Variants in ARID1B observed in about 807,000 individuals in gnomAD.
The protein encoded by ARID1B is AT-rich interactive domain-containing protein 1B.
A neutral mutation model predicts 212.3 loss-of-function variants in ARID1B; 30 were observed. That is an observed-to-expected ratio of 0.14 (90% confidence interval 0.11 to 0.19). The LOEUF (loss-of-function observed/expected upper bound fraction) is 0.19, where lower values mean the gene tolerates loss of function less well. Ranked by LOEUF, ARID1B falls within the 10% of genes least tolerant of loss-of-function variation. The pLI is 1.00. For synonymous variants in ARID1B, 1,402 were observed against 1,301.7 expected (o/e 1.08, Z -1.66); for missense variants, 2,891 against 3,204.0 (o/e 0.90, Z 2.36).
At chr6:157,008,159 T>C (rs1353350388) in intron 4 of ARID1B, among the ~76,000 whole-genome samples, 2 of 152,178 alleles carry the variant, frequency 1.3e-5, no homozygotes, top group African/African-American at 4.8e-5. Flanking sequence ...TGGTAAAATA[T>C]ACATAACATA....
chr6:157,066,204 T>C (rs1053872791), intron 4 of ARID1B, among the ~76,000 whole-genome samples: 1 of 152,272 alleles, frequency 6.6e-6, no homozygotes, highest in Non-Finnish European at 1.5e-5. Flanking sequence ...CAGTTTTTAC[T>C]GTTTCATATA....
In ARID1B at chr6:157,110,715, A is replaced by G. The variant is rs530103868; in HGVS notation, c.2581+154A>G. On this transcript the variant is annotated intron_variant, in intron 6 of 19. Coordinates refer to ENST00000636930, the MANE Select transcript of ARID1B (RefSeq NM_001374828.1). ...GAAGAAATAAAAGCCCTTCCAACAA[A>G]TATGGAGAGGAGGGAGGATGCTTTC... 3.6e-5 allele frequency: 27 copies of G among 746,530 alleles called. No homozygotes were observed. In the African/African-American group the frequency reaches 3.7e-4, roughly 10 times the overall value. The allele number at this position is 746,530 out of a possible 1,614,324, so 46.2% of individuals were successfully genotyped here. A position where few individuals can be genotyped will look rare whatever the true frequency, so the allele number is the denominator to read the frequency against.
Position 156,862,882 on chromosome 6 carries a change from A to T in ARID1B, c.1986+33461A>T, listed in dbSNP as rs1404057594. On this transcript the variant is annotated intron_variant, in intron 2 of 19. Coordinates refer to ENST00000636930, the MANE Select transcript of ARID1B (RefSeq NM_001374828.1). ...ATAGTGAATGACAGAACAGATGATG[A>T]GCTGAGTTTCATAAGATGAATAACA... Among the ~76,000 whole-genome samples, 14 of 152,246 alleles carry T rather than the reference A, an allele frequency of 9.2e-5. 1 individual carries two copies. Among genetic ancestry groups the T allele is most frequent in the Admixed American group, 9.2e-4 (14 of 15,280 alleles).
At position 156,779,425 on chromosome 6, in the gene ARID1B, C is replaced by G. The variant is rs751389585; in HGVS notation, c.1745C>G (p.Pro582Arg). 8.2e-6 allele frequency: 12 copies of G among 1,465,522 alleles called. No individual in the cohort carries two copies. The highest frequency in any genetic ancestry group is 1.5e-5 in the African/African-American group (1 of 68,226). 90.8% of individuals were successfully genotyped at this position (1,465,522 alleles called of 1,614,324 possible). A position where few individuals can be genotyped will look rare whatever the true frequency, so the allele number is the denominator to read the frequency against. Residue 582 changes from proline to arginine, a missense_variant, in exon 1 of 20, where the codon CCG becomes CGG. Physicochemically the swap from Pro to Arg is moderately radical, Grantham distance 103. Coordinates refer to ENST00000636930, the MANE Select transcript of ARID1B (RefSeq NM_001374828.1). ...GCGGCCGCGCAACAAAGGAGTCACC[C>G]GGCGATGAGCCCCGGCACCCCCGGA... ...AWAAAQQRSH[P>R]AMSPGTPGPT...
At chr6:156,925,397 T>TA in intron 3 of ARID1B, among the ~76,000 whole-genome samples, 1 of 152,266 alleles carries the variant, frequency 6.6e-6, no homozygotes, top group East Asian at 1.9e-4. Flanking sequence ...TAGTCCCAGC[T>TA]ACTCAGGAGG....
chr6:157,045,096 CAG>C (rs769652437), intron 4 of ARID1B, among the ~76,000 whole-genome samples: 28 of 152,242 alleles, frequency 1.8e-4, no homozygotes, highest in Non-Finnish European at 3.5e-4. Flanking sequence ...TGCTATAAAG[CAG>C]AGGGGATGTT....
intron 5 of ARID1B, among the ~76,000 whole-genome samples, chr6:157,109,359 G>A (rs529902708): frequency 5.5e-4 from 84 of 152,294 alleles, no homozygotes; most frequent in African/African-American, 2.0e-3. Context: ...GAGTCAGAGC[G>A]GTTAGCCTGA....
At chr6:156,909,692 A>T (rs79063736) in intron 3 of ARID1B, among the ~76,000 whole-genome samples, 190 of 152,316 alleles carry the variant, frequency 1.2e-3, no homozygotes, top group African/African-American at 3.9e-3. Flanking sequence ...GAATGGCTTT[A>T]TCTGCCAGTT....
intron 4 of ARID1B, among the ~76,000 whole-genome samples, chr6:157,069,822 A>C (rs1214092241): frequency 6.6e-6 from 1 of 152,246 alleles, no homozygotes; most frequent in East Asian, 1.9e-4. Flanking sequence ...TCTTTGTAAC[A>C]TAACAGTACT....
rs1779002290 is a variant in ARID1B, at chr6:156,779,296, A to AGGCGGCGGCGGCGGG, written c.1628_1642dup (p.Ala543_Ala547dup). ...CCGCCGCCGTCGCAGCCCCAGTCCC[A>AGGCGGCGGCGGCGGG]GGCGGCGGCGGCGGGGGCGGCGGCG... On this transcript the variant is annotated inframe_insertion, in exon 1 of 20. Coordinates refer to ENST00000636930, the MANE Select transcript of ARID1B (RefSeq NM_001374828.1). 3.1e-5 allele frequency: 34 copies of AGGCGGCGGCGGCGGG among 1,096,048 alleles called. No homozygotes were observed. Among genetic ancestry groups the AGGCGGCGGCGGCGGG allele is most frequent in the East Asian group, 9.1e-5 (2 of 22,058 alleles). The allele number at this position is 1,096,048 out of a possible 1,614,324, so 67.9% of individuals were successfully genotyped here. A position where few individuals can be genotyped will look rare whatever the true frequency, so the allele number is the denominator to read the frequency against.
At chr6:156,841,355 G>A (rs891647823) in intron 2 of ARID1B, among the ~76,000 whole-genome samples, 1 of 152,140 alleles carries the variant, frequency 6.6e-6, no homozygotes, top group Non-Finnish European at 1.5e-5. Context: ...TCGGAGTAGA[G>A]GAATGAAATT....
chr6:157,055,535 A>G (rs1782903077), intron 4 of ARID1B, among the ~76,000 whole-genome samples: 1 of 152,242 alleles, frequency 6.6e-6, no homozygotes, highest in Non-Finnish European at 1.5e-5. Flanking sequence ...ATAACAATAG[A>G]AAGCTAACTT....
intron 2 of ARID1B, among the ~76,000 whole-genome samples, chr6:156,898,551 T>C (rs9397984): frequency 0.14 from 21,837 of 152,174 alleles, 1,989 homozygotes; most frequent in Non-Finnish European, 0.2. Context: ...TCCATGTCCT[T>C]TGGGGCAGGC....
intron 18 of ARID1B, among the ~76,000 whole-genome samples, chr6:157,202,876 C>T (rs942472616): frequency 1.1e-4 from 17 of 151,404 alleles, no homozygotes; most frequent in East Asian, 1.9e-4. Context: ...CACACACACA[C>T]GTGTATTGTG....
chr6:156,778,999 G>C lies in ARID1B; in HGVS notation c.1319G>C (p.Gly440Ala), dbSNP rs1332073619. ...AAAAGGGGGG[G>A]YGGSSAGYGV... is the part of the protein sequence containing the mutation. ...GCAGCAGGAGGCGGCGGCGGCGGCG[G>C]CTATGGGGGCTCGTCCGCGGGGTAC... The change falls in exon 1 of 20, where the codon GGC (glycine) becomes GCC (alanine). Residue 440 changes from glycine to alanine, a missense_variant. Physicochemically the swap from Gly to Ala is moderately conservative, Grantham distance 60. Around this residue, in one of 7 missense-constraint regions of ARID1B, gnomAD observed 1,643 missense variants for 1,544.0 expected, o/e 1.06. Transcript: ENST00000636930. 4.7e-6 allele frequency: 6 copies of C among 1,269,278 alleles called. No homozygotes were observed. The Admixed American group carries it at 1.3e-4, about 27-fold the overall frequency. 78.6% of individuals were successfully genotyped at this position (1,269,278 alleles called of 1,614,324 possible).
At chr6:156,835,025 GAGAT>G (rs1783405707) in intron 2 of ARID1B, among the ~76,000 whole-genome samples, 1 of 151,952 alleles carries the variant, frequency 6.6e-6, no homozygotes, top group South Asian at 2.1e-4. Context: ...ACGAGGTCAG[GAGAT>G]AGATAGAGAC....
intron 2 of ARID1B, among the ~76,000 whole-genome samples, chr6:156,895,421 G>C (rs1788300656): frequency 6.6e-6 from 1 of 152,206 alleles, no homozygotes; most frequent in East Asian, 1.9e-4. Context: ...GAACTCAGAA[G>C]AGCTATGGCC....
chr6:156,925,312 G>C (rs1316980757), intron 3 of ARID1B, among the ~76,000 whole-genome samples: 3 of 152,134 alleles, frequency 2.0e-5, no homozygotes, highest in East Asian at 1.9e-4. Context: ...CAGTAAGAAA[G>C]CATCATGAAG....
chr6:157,152,270 A>G (rs574235731), intron 8 of ARID1B: 1 of 152,372 alleles, frequency 6.6e-6, no homozygotes, highest in East Asian at 1.9e-4. Flanking sequence ...AATGGCATGC[A>G]TCAGAGTGAA....
Sources: gnomAD v4.1 joint callset for allele counts (sites outside exome capture counted in the v4.1 genomes callset) on GRCh38, gnomAD v4.1.1 for gene constraint, gnomAD v4.1.1 regional missense constraint, MANE v1.5 for transcripts, NCBI Gene and HGNC (gene_info 2026-07-23, HGNC 2026-07-21) for gene names.